RAB23: variants seen among roughly 807,000 people sequenced by gnomAD.
The protein encoded by RAB23 is ras-related protein Rab-23.
RAB23 carries 15 observed loss-of-function variants against 30.0 expected under a neutral mutation model. The ratio of observed to expected loss-of-function variants is 0.50; its 90% CI spans 0.33 to 0.77. RAB23 has a LOEUF of 0.77. Ranked by LOEUF, RAB23 falls within the 30% of genes least tolerant of loss-of-function variation. The pLI is 0.02. For missense variants in RAB23, 243 were observed against 275.4 expected (o/e 0.88, Z 0.83); for synonymous variants, 93 against 94.0 (o/e 0.99, Z 0.06).
intron 3 of RAB23, among the ~76,000 whole-genome samples, chr6:57,203,706 A>G (rs561174916): frequency 3.1e-4 from 47 of 152,338 alleles, no homozygotes; most frequent in African/African-American, 9.1e-4. Context: ...ATAATTTGAT[A>G]CAAATATCAT....
chr6:57,211,519 TA>T (rs1443850580), intron 1 of RAB23, among the ~76,000 whole-genome samples: 2 of 152,046 alleles, frequency 1.3e-5, no homozygotes, highest in African/African-American at 4.8e-5. Context: ...TATCACCAAA[TA>T]GGCAACAAAT....
chr6:57,217,460 C>G (rs115209491), intron 1 of RAB23, among the ~76,000 whole-genome samples: 1,694 of 152,154 alleles, frequency 0.011, 29 homozygotes, highest in African/African-American at 0.039. Context: ...ACGCATGCAT[C>G]ACCATGCTGG....
intron 1 of RAB23, among the ~76,000 whole-genome samples, chr6:57,212,838 T>C (rs1470275802): frequency 6.6e-6 from 1 of 152,028 alleles, no homozygotes; most frequent in Non-Finnish European, 1.5e-5. Context: ...GAGCCATGAC[T>C]GTACCAGTGC....
intron 3 of RAB23, among the ~76,000 whole-genome samples, chr6:57,198,851 G>GA (rs201546074): frequency 3.3e-5 from 5 of 151,688 alleles, no homozygotes; most frequent in African/African-American, 1.2e-4. Flanking sequence ...ATATATGATG[G>GA]AAAAAAAACC....
In RAB23 at chr6:57,222,252, T is replaced by G. The variant is rs1420887680; in HGVS notation, c.-592A>C. On this transcript the variant is annotated 5_prime_UTR_variant, in exon 1 of 7. Coordinates refer to ENST00000468148, the MANE Select transcript of RAB23 (RefSeq NM_016277.5). ...TCAGCAGCAGCTCCGCCGGGGGTGG[T>G]GGGGCGCGGGAGTCTCGACTCCCCT... The G allele has an allele frequency of 2.0e-5, 3 of 152,434 alleles. No homozygotes were observed. Among genetic ancestry groups the G allele is most frequent in the Non-Finnish European group, 4.4e-5 (3 of 68,332 alleles). 9.4% of individuals were successfully genotyped at this position (152,434 alleles called of 1,614,324 possible).
At chr6:57,194,703 A>C in intron 5 of RAB23, 67 bp downstream of exon 5, 1 of 1,168,558 alleles carries the variant, frequency 8.6e-7, no homozygotes, top group Non-Finnish European at 1.2e-6. Flanking sequence ...ATTTCTAAAC[A>C]ACACAATTTT....
Position 57,189,207 on chromosome 6 carries a change from A to AT in RAB23, c.*1253dup, listed in dbSNP as rs1375310875. 1 of 152,220 alleles carries AT rather than the reference A, an allele frequency of 6.6e-6. No homozygotes were observed. Among genetic ancestry groups the AT allele is most frequent in the African/African-American group, 2.4e-5 (1 of 41,450 alleles). The allele number at this position is 152,220 out of a possible 1,614,324, so 9.4% of individuals were successfully genotyped here. On this transcript the variant is annotated 3_prime_UTR_variant, in exon 7 of 7. Coordinates refer to ENST00000468148, the MANE Select transcript of RAB23 (RefSeq NM_016277.5). The stretch of plus-strand genomic sequence containing the variant: ...ATTAAATCATTTTGTAAAAGAAATG[A>AT]TTCTGTATGTGGGACTGACAGCTCT...
intron 6 of RAB23, among the ~76,000 whole-genome samples, chr6:57,193,151 G>A (rs556514889): frequency 6.6e-6 from 1 of 151,890 alleles, no homozygotes; most frequent in African/African-American, 2.4e-5. Context: ...TGTTCACAAA[G>A]CATTTGAGGT....
Position 57,187,368 on chromosome 6 carries a change from T to G in RAB23, c.*3093A>C, listed in dbSNP as rs1764640713. 2 of 152,162 alleles carry G rather than the reference T, an allele frequency of 1.3e-5. No homozygotes were observed. The highest frequency in any genetic ancestry group is 4.1e-4 in the South Asian group (2 of 4,828). The allele number at this position is 152,162 out of a possible 1,614,324, so 9.4% of individuals were successfully genotyped here. On this transcript the variant is annotated 3_prime_UTR_variant, in exon 7 of 7. Coordinates refer to ENST00000468148, the MANE Select transcript of RAB23 (RefSeq NM_016277.5). Reference sequence around the variant, plus strand: ...TTTAAATATTTTGTTAGCAAATGAATTCATCTGTATGATGAGAGACTTACA... The same window carrying G: ...TTTAAATATTTTGTTAGCAAATGAAGTCATCTGTATGATGAGAGACTTACA...
At position 57,210,356 on chromosome 6, in the gene RAB23, C is replaced by T. The variant is rs150655349; in HGVS notation, c.25G>A (p.Ala9Thr). ...TTCCCTACAACCACCATCTTTATGGCGACTTCCATATCTTCCTCCAACATT... is the reference window on the plus strand; with the variant it reads ...TTCCCTACAACCACCATCTTTATGGTGACTTCCATATCTTCCTCCAACATT... Reference protein sequence around the residue: MLEEDMEVAIKMVVVGNGA... With the variant: MLEEDMEVTIKMVVVGNGA... Residue 9 changes from alanine to threonine, a missense_variant, in exon 2 of 7, where the codon GCC becomes ACC. Physicochemically the swap from Ala to Thr is moderately conservative, Grantham distance 58. Coordinates refer to ENST00000468148, the MANE Select transcript of RAB23 (RefSeq NM_016277.5). 78 of 1,613,928 alleles carry T rather than the reference C, an allele frequency of 4.8e-5. No homozygotes were observed. The highest frequency in any genetic ancestry group is 2.5e-4 in the African/African-American group (19 of 74,946).
intron 3 of RAB23, among the ~76,000 whole-genome samples, chr6:57,203,787 T>C (rs1334882017): frequency 6.6e-6 from 1 of 152,014 alleles, no homozygotes; most frequent in Non-Finnish European, 1.5e-5. Flanking sequence ...AGTAAAAACA[T>C]AATTCTCAAC....
rs187200619 is a variant in RAB23, at chr6:57,206,070, T to C, written c.241+1558A>G. ...TAGCTTCAAAGTTCAGTCTGAATGG[T>C]TGTCTGATATTCTCTATATGGTTCA... On this transcript the variant is annotated intron_variant, in intron 3 of 6. Transcript: ENST00000468148. Among the ~76,000 whole-genome samples, 6 of 152,330 alleles carry C rather than the reference T, an allele frequency of 3.9e-5. No individual in the cohort carries two copies. In the East Asian group the frequency reaches 1.2e-3, roughly 29 times the overall value.
chr6:57,206,384 A>C (rs1000889527), intron 3 of RAB23, among the ~76,000 whole-genome samples: 2 of 152,150 alleles, frequency 1.3e-5, no homozygotes, highest in African/African-American at 4.8e-5. Flanking sequence ...GGAGTAGGAG[A>C]CTATAGAGGT....
chr6:57,210,489 A>G, intron 1 of RAB23, 44 bp from the exon 2 acceptor site: 1 of 1,174,800 alleles, frequency 8.5e-7, no homozygotes, highest in Non-Finnish European at 1.3e-6. Flanking sequence ...ACAAAAATGT[A>G]CAAAATAAAC....
chr6:57,200,459 C>T (rs1194366181), intron 3 of RAB23, among the ~76,000 whole-genome samples: 3 of 150,174 alleles, frequency 2.0e-5, no homozygotes, highest in African/African-American at 7.4e-5. Flanking sequence ...ATCACTTGAA[C>T]CCTGGAGGAG....
chr6:57,196,056 A>G (rs1765011747), intron 4 of RAB23, among the ~76,000 whole-genome samples: 1 of 152,176 alleles, frequency 6.6e-6, no homozygotes, highest in South Asian at 2.1e-4. Flanking sequence ...ATGAATCTGA[A>G]CCCTTAATTA....
chr6:57,207,148 C>T (rs1765481933), intron 3 of RAB23, among the ~76,000 whole-genome samples: 1 of 152,092 alleles, frequency 6.6e-6, no homozygotes, highest in Non-Finnish European at 1.5e-5. Context: ...AATTTTAGCC[C>T]ACATTTTAGA....
intron 6 of RAB23, among the ~76,000 whole-genome samples, chr6:57,193,274 T>C (rs1764908732): frequency 6.6e-6 from 1 of 151,820 alleles, no homozygotes; most frequent in South Asian, 2.1e-4. Flanking sequence ...TGTTTGTTTC[T>C]ACATATGTAG....
Position 57,210,349 on chromosome 6 carries a change from T to C in RAB23, c.32A>G (p.Lys11Arg). 7 of 1,614,112 alleles carry C rather than the reference T, an allele frequency of 4.3e-6. No individual in the cohort carries two copies. The highest frequency in any genetic ancestry group is 5.9e-6 in the Non-Finnish European group (7 of 1,179,978). Residue 11 changes from lysine (K) to arginine (R), a missense_variant, in exon 2 of 7, where the codon AAG becomes AGG. Physicochemically the swap from Lys to Arg is conservative, Grantham distance 26. Transcript: ENST00000468148. MLEEDMEVAIKMVVVGNGAVG... is the reference protein window; with the variant it reads MLEEDMEVAIRMVVVGNGAVG... ...TGCTCCATTCCCTACAACCACCATC[T>C]TTATGGCGACTTCCATATCTTCCTC... is the stretch of plus-strand genomic sequence containing the variant.
Sources: gnomAD v4.1 joint callset for allele counts (sites outside exome capture counted in the v4.1 genomes callset) on GRCh38, gnomAD v4.1.1 for gene constraint, MANE v1.5 for transcripts, NCBI Gene and HGNC (gene_info 2026-07-23, HGNC 2026-07-21) for gene names.